RABGAP1L: variants seen among roughly 807,000 people sequenced by gnomAD.
The protein encoded by RABGAP1L is rab GTPase-activating protein 1-like.
RABGAP1L carries 63 observed loss-of-function variants against 137.7 expected under a neutral mutation model. That is an observed-to-expected ratio of 0.46 (90% CI 0.37 to 0.56). RABGAP1L has a LOEUF of 0.56. Among genes scored for constraint, RABGAP1L ranks in the 20% least tolerant of loss-of-function variants. The probability of loss-of-function intolerance (pLI) is 0.00; values close to 1 mark genes in which losing one functional copy is unlikely to be tolerated. For synonymous variants in RABGAP1L, 431 were observed against 433.7 expected (o/e 0.99, Z 0.08); for missense variants, 1,095 against 1,244.0 (o/e 0.88, Z 1.80).
intron 13 of RABGAP1L, among the ~76,000 whole-genome samples, chr1:174,519,219 T>TATAC (rs1553320467): frequency 7.3e-5 from 11 of 150,564 alleles, no homozygotes; most frequent in South Asian, 2.1e-4. Context: ...CATATATATA[T>TATAC]ACACACACAC....
intron 13 of RABGAP1L, among the ~76,000 whole-genome samples, chr1:174,596,063 C>T (rs1025270283): frequency 2.5e-5 from 3 of 118,746 alleles, no homozygotes; most frequent in Admixed American, 8.3e-5. Context: ...CGTGGTGCGC[C>T]GTTTCTTAAG....
chr1:174,696,372 C>T (rs937402074), intron 15 of RABGAP1L, among the ~76,000 whole-genome samples: 5 of 152,012 alleles, frequency 3.3e-5, no homozygotes, highest in Non-Finnish European at 5.9e-5. Context: ...TATAGCCACT[C>T]TTACTTTTTT....
intron 13 of RABGAP1L, among the ~76,000 whole-genome samples, chr1:174,541,033 G>C (rs1665365547): frequency 6.6e-6 from 1 of 152,076 alleles, no homozygotes; most frequent in Admixed American, 6.5e-5. Context: ...TGGATTCCTA[G>C]GTATTTTATT....
At chr1:174,857,000 A>G (rs1192436018) in intron 19 of RABGAP1L, among the ~76,000 whole-genome samples, 2 of 152,156 alleles carry the variant, frequency 1.3e-5, no homozygotes, top group Non-Finnish European at 2.9e-5. Flanking sequence ...TTCAAAATTT[A>G]CAAGTGTAAA....
chr1:174,406,166 G>C (rs191947175), intron 13 of RABGAP1L, among the ~76,000 whole-genome samples: 30 of 151,912 alleles, frequency 2.0e-4, no homozygotes, highest in Non-Finnish European at 3.5e-4. Context: ...TTCATTTACT[G>C]TCTGTCTATA....
At chr1:174,352,680 G>C (rs955534464) in intron 11 of RABGAP1L, among the ~76,000 whole-genome samples, 2 of 152,154 alleles carry the variant, frequency 1.3e-5, no homozygotes, top group African/African-American at 4.8e-5. Context: ...ATTTATTGTA[G>C]TCTTCAAGTT....
intron 17 of RABGAP1L, among the ~76,000 whole-genome samples, chr1:174,711,815 C>T (rs1349182901): frequency 6.6e-6 from 1 of 152,230 alleles, no homozygotes; most frequent in Non-Finnish European, 1.5e-5. Flanking sequence ...TGGTGGGTAC[C>T]TCCACCCATG....
chr1:174,385,102 G>C (rs1387218458), intron 12 of RABGAP1L, among the ~76,000 whole-genome samples: 3 of 152,154 alleles, frequency 2.0e-5, no homozygotes, highest in African/African-American at 7.2e-5. Flanking sequence ...GATTATAAGG[G>C]AACAAAGGTG....
chr1:174,164,868 T>C (rs1260574556), intron 1 of RABGAP1L, among the ~76,000 whole-genome samples: 2 of 152,220 alleles, frequency 1.3e-5, no homozygotes, highest in Non-Finnish European at 2.9e-5. Context: ...AGGAACATAC[T>C]AAGAGCCTCA....
intron 13 of RABGAP1L, among the ~76,000 whole-genome samples, chr1:174,493,821 GA>G (rs1216753395): frequency 0.13 from 11,491 of 89,506 alleles, 525 homozygotes; most frequent in East Asian, 0.34. Context: ...GACCCTGTCT[GA>G]AAAAAAAAAA....
intron 10 of RABGAP1L, among the ~76,000 whole-genome samples, 168 bp from the exon 11 acceptor site, chr1:174,304,818 T>G (rs1047557583): frequency 6.6e-6 from 1 of 152,344 alleles, no homozygotes; most frequent in Admixed American, 6.5e-5. Flanking sequence ...TAGAATATCC[T>G]GTGAAGGACA....
At chr1:174,273,941 G>C (rs1156817606) in intron 8 of RABGAP1L, among the ~76,000 whole-genome samples, 1 of 152,150 alleles carries the variant, frequency 6.6e-6, no homozygotes, top group African/African-American at 2.4e-5. Flanking sequence ...GGGCAAATGA[G>C]AGGCTTGTAT....
At chr1:174,920,735 T>C (rs1281473426) in intron 19 of RABGAP1L, among the ~76,000 whole-genome samples, 1 of 151,964 alleles carries the variant, frequency 6.6e-6, no homozygotes, top group Non-Finnish European at 1.5e-5. Context: ...GAAGAGGAAA[T>C]TTGGACACAG....
chr1:174,780,273 C>G (rs1407832683), intron 18 of RABGAP1L, among the ~76,000 whole-genome samples: 1 of 151,916 alleles, frequency 6.6e-6, no homozygotes, highest in East Asian at 1.9e-4. Flanking sequence ...CCTCGAAATC[C>G]TCCCTCCATA....
At chr1:174,968,206 C>A (rs1349065522) in intron 20 of RABGAP1L, among the ~76,000 whole-genome samples, 2 of 152,170 alleles carry the variant, frequency 1.3e-5, no homozygotes, top group Non-Finnish European at 2.9e-5. Context: ...AACTATCTTC[C>A]AAAACATATA....
Position 174,550,891 on chromosome 1 carries a change from T to TACAC in RABGAP1L, c.1711-86483_1711-86482insCACA, listed in dbSNP as rs1214748528. ...ATATATATATATATATATATATATA[T>TACAC]ATATACACACACACATATACACACA... On this transcript the variant is annotated intron_variant, in intron 13 of 25. Coordinates refer to ENST00000681986, the MANE Select transcript of RABGAP1L (RefSeq NM_001366446.1). Among the ~76,000 whole-genome samples, 364 of 86,034 alleles carry TACAC rather than the reference T, an allele frequency of 4.2e-3. 26 individuals carry two copies. Among genetic ancestry groups the TACAC allele is most frequent in the African/African-American group, 0.026 (332 of 12,732 alleles). The allele number at this position is 86,034 out of a possible 152,430, so 56.4% of individuals were successfully genotyped here. A position where few individuals can be genotyped will look rare whatever the true frequency, so the allele number is the denominator to read the frequency against.
intron 13 of RABGAP1L, among the ~76,000 whole-genome samples, chr1:174,615,881 C>T (rs1238077661): frequency 2.6e-5 from 4 of 152,222 alleles, no homozygotes; most frequent in Admixed American, 1.3e-4. Context: ...ACCCTCCGAG[C>T]CAGGTGCAGG....
chr1:174,426,335 T>A (rs1651951259), intron 13 of RABGAP1L, among the ~76,000 whole-genome samples: 1 of 152,112 alleles, frequency 6.6e-6, no homozygotes, highest in African/African-American at 2.4e-5. Flanking sequence ...TGTCTTTTGG[T>A]AGCCCGATAA....
In RABGAP1L at chr1:174,448,542, C is replaced by A. The variant is rs759541008; in HGVS notation, c.1710+54397C>A. 2.5e-6 allele frequency: 4 copies of A among 1,612,504 alleles called. No individual in the cohort carries two copies. Among genetic ancestry groups the A allele is most frequent in the Non-Finnish European group, 3.4e-6 (4 of 1,179,016 alleles). ...AGTGTGGATCGTTATCTTGCAATAA[C>A]CAAGCCTCTTTCCTACAATCAACTG... On this transcript the variant is annotated intron_variant, in intron 13 of 25. Coordinates refer to ENST00000681986, the MANE Select transcript of RABGAP1L (RefSeq NM_001366446.1). This position sits in a 1 kb window ranked among gnomAD's most constrained non-coding sequence, Gnocchi z 4.2.
Sources: gnomAD v4.1 joint callset for allele counts (sites outside exome capture counted in the v4.1 genomes callset) on GRCh38, gnomAD v4.1.1 for gene constraint, Gnocchi (gnomAD v3.1) non-coding constraint, MANE v1.5 for transcripts, NCBI Gene and HGNC (gene_info 2026-07-23, HGNC 2026-07-21) for gene names.